Variants in UNC5D observed in about 807,000 individuals in gnomAD.
UNC5D encodes netrin receptor UNC5D.
Under a neutral mutation model 105.4 loss-of-function variants are expected in UNC5D, and 39 were observed. The ratio of observed to expected loss-of-function variants is 0.37; its 90% CI spans 0.29 to 0.48. The LOEUF (loss-of-function observed/expected upper bound fraction) is 0.48, where lower values mean the gene tolerates loss of function less well. Among genes scored for constraint, UNC5D ranks in the 20% least tolerant of loss-of-function variants. UNC5D has a pLI of 0.98. For synonymous variants in UNC5D, 452 were observed against 450.4 expected, an observed-to-expected ratio of 1.00 and a Z score of -0.04; for missense variants, 991 against 1,202.4, an observed-to-expected ratio of 0.82 and a Z score of 2.60.
intron 3 of UNC5D, among the ~76,000 whole-genome samples, chr8:35,593,527 A>C (rs1819307711): frequency 6.6e-6 from 1 of 152,178 alleles, no homozygotes; most frequent in African/African-American, 2.4e-5. Context: ...CCAAGGCAGG[A>C]GGATCGGAGG....
intron 8 of UNC5D, among the ~76,000 whole-genome samples, chr8:35,713,175 T>C (rs1440483920): frequency 1.3e-5 from 2 of 152,200 alleles, no homozygotes; most frequent in Non-Finnish European, 2.9e-5. Context: ...AGTTTGTTAA[T>C]TAAATACCTC....
At chr8:35,587,591 C>T (rs1818872118) in intron 3 of UNC5D, among the ~76,000 whole-genome samples, 1 of 152,038 alleles carries the variant, frequency 6.6e-6, no homozygotes, top group South Asian at 2.1e-4. Flanking sequence ...ATTCCCATGA[C>T]TAAAATAAAA....
At chr8:35,707,688 G>A (rs1827676732) in intron 8 of UNC5D, among the ~76,000 whole-genome samples, 1 of 152,270 alleles carries the variant, frequency 6.6e-6, no homozygotes, top group South Asian at 2.1e-4. Flanking sequence ...ACTTAGAAAT[G>A]CATGTATGTG....
chr8:35,418,487 G>C (rs1805671767), intron 1 of UNC5D, among the ~76,000 whole-genome samples: 1 of 152,156 alleles, frequency 6.6e-6, no homozygotes, highest in Admixed American at 6.5e-5. Context: ...CCTCTTTTCT[G>C]TGTAATATAG....
chr8:35,593,048 C>T (rs1411105208), intron 3 of UNC5D, among the ~76,000 whole-genome samples: 2 of 87,630 alleles, frequency 2.3e-5, no homozygotes, highest in Non-Finnish European at 4.1e-5. Flanking sequence ...AGTTTTTATA[C>T]ACACACACAC....
chr8:35,410,778 C>T lies in UNC5D; in HGVS notation c.104-138514C>T, dbSNP rs376144242. Reference sequence around the variant, plus strand: ...TATGTAACTTGCCCAAGGTTGCACACGAAATTGATGTGGAAGCGTGGAGCC... The same window carrying T: ...TATGTAACTTGCCCAAGGTTGCACATGAAATTGATGTGGAAGCGTGGAGCC... On this transcript the variant is annotated intron_variant, in intron 1 of 16. Coordinates refer to ENST00000404895, the MANE Select transcript of UNC5D (RefSeq NM_080872.4). 7.0e-4 allele frequency among the ~76,000 whole-genome samples: 106 copies of T among 152,104 alleles called. 2 individuals are homozygous for T. In the South Asian group the frequency reaches 0.011, roughly 15 times the overall value.
In UNC5D at chr8:35,451,910, GTAGATC is replaced by G. The variant is rs1190789932; in HGVS notation, c.104-97380_104-97375del. ...TTGAAAGGAGGGAGGTAAATTTAAA[GTAGATC>G]TTTCTTTTCTGAAGCCCCTAACACT... On this transcript the variant is annotated intron_variant, in intron 1 of 16. Transcript: ENST00000404895. Among the ~76,000 whole-genome samples the G allele has an allele frequency of 4.6e-5, 7 of 152,284 alleles. No homozygotes were observed. The East Asian group carries it at 1.4e-3, about 30-fold the overall frequency.
chr8:35,680,574 T>A (rs546724261), intron 4 of UNC5D, among the ~76,000 whole-genome samples: 1 of 152,334 alleles, frequency 6.6e-6, no homozygotes, highest in East Asian at 1.9e-4. Flanking sequence ...ATGGCAAATA[T>A]TTTCCTAGTT....
At chr8:35,389,927 G>GT (rs1803667191) in intron 1 of UNC5D, among the ~76,000 whole-genome samples, 1 of 152,176 alleles carries the variant, frequency 6.6e-6, no homozygotes. Context: ...TAAGAGAATT[G>GT]TATTAGTCCA....
At chr8:35,556,042 G>A (rs1816526578) in intron 2 of UNC5D, among the ~76,000 whole-genome samples, 1 of 151,974 alleles carries the variant, frequency 6.6e-6, no homozygotes, top group Non-Finnish European at 1.5e-5. Context: ...GTGGAATTGA[G>A]CTTCCTTTCT....
At chr8:35,753,788 A>G (rs755775753) in intron 13 of UNC5D, among the ~76,000 whole-genome samples, 3 of 152,204 alleles carry the variant, frequency 2.0e-5, no homozygotes, top group African/African-American at 7.2e-5. Flanking sequence ...AAGATCATCA[A>G]CCTTGCTTGA....
intron 1 of UNC5D, among the ~76,000 whole-genome samples, chr8:35,424,451 T>G (rs1370908490): frequency 6.6e-6 from 1 of 152,214 alleles, no homozygotes; most frequent in Non-Finnish European, 1.5e-5. Flanking sequence ...AAGTGCTCAG[T>G]CACCCATGTG....
intron 16 of UNC5D, among the ~76,000 whole-genome samples, chr8:35,783,419 A>G (rs1437981660): frequency 6.6e-6 from 1 of 152,192 alleles, no homozygotes; most frequent in African/African-American, 2.4e-5. Flanking sequence ...ACAGCTTGCA[A>G]ATAGGTAGAC....
At chr8:35,611,552 G>A (rs10101644) in intron 4 of UNC5D, among the ~76,000 whole-genome samples, 1,870 of 152,216 alleles carry the variant, frequency 0.012, 51 homozygotes, top group African/African-American at 0.043. Context: ...ATAATAGGTC[G>A]CATGAATTTT....
At chr8:35,384,647 G>A (rs1803270487) in intron 1 of UNC5D, among the ~76,000 whole-genome samples, 1 of 152,208 alleles carries the variant, frequency 6.6e-6, no homozygotes, top group Admixed American at 6.5e-5. Context: ...GTGGGACAAA[G>A]AAAAGAAAGA....
Position 35,736,669 on chromosome 8 carries a change from A to G in UNC5D, c.1766+5573A>G, listed in dbSNP as rs371932130. Among the ~76,000 whole-genome samples the G allele has an allele frequency of 1.3e-3, 194 of 152,368 alleles. 3 individuals are homozygous for G. The highest frequency in any genetic ancestry group is 3.4e-3 in the Middle Eastern group (1 of 294). ...AAGGATGAACCCCGTTTAAAGGCTC[A>G]GGGAAAGTTTCAGAGAAATAACAGT... On this transcript the variant is annotated intron_variant, in intron 11 of 16. Transcript: ENST00000404895.
At chr8:35,676,951 A>G (rs1165123373) in intron 4 of UNC5D, among the ~76,000 whole-genome samples, 1 of 151,962 alleles carries the variant, frequency 6.6e-6, no homozygotes, top group Non-Finnish European at 1.5e-5. Flanking sequence ...ACGGGCCATC[A>G]TATAAGAATC....
At chr8:35,521,861 C>T (rs976318234) in intron 1 of UNC5D, among the ~76,000 whole-genome samples, 8 of 152,166 alleles carry the variant, frequency 5.3e-5, no homozygotes, top group African/African-American at 1.4e-4. Context: ...GGTTGTTACA[C>T]GCTTAGCTAA....
chr8:35,686,146 C>T (rs1027929051), intron 6 of UNC5D, among the ~76,000 whole-genome samples: 4 of 152,104 alleles, frequency 2.6e-5, no homozygotes, highest in Admixed American at 6.5e-5. Flanking sequence ...TCATTATACT[C>T]TGTTCTAAAC....
Sources: allele counts gnomAD v4.1 joint callset (sites outside exome capture counted in the v4.1 genomes callset), GRCh38; gene constraint gnomAD v4.1.1; transcripts MANE v1.5; gene names NCBI Gene and HGNC (gene_info 2026-07-23, HGNC 2026-07-21).